Variants in PLXNA2 observed in about 807,000 individuals in gnomAD.
The protein encoded by PLXNA2 is plexin-A2.
A neutral mutation model predicts 193.5 loss-of-function variants in PLXNA2; 91 were observed. The ratio of observed to expected loss-of-function variants is 0.47; its 90% confidence interval spans 0.40 to 0.56. The LOEUF (loss-of-function observed/expected upper bound fraction) is 0.56. Among genes scored for constraint, PLXNA2 ranks in the 20% least tolerant of loss-of-function variants. The pLI is 0.00. For synonymous variants in PLXNA2, 997 were observed against 1,027.3 expected, an observed-to-expected ratio of 0.97 and a Z score of 0.56; for missense variants, 1,995 against 2,503.2, an observed-to-expected ratio of 0.80 and a Z score of 4.33.
chr1:208,127,256 T>C (rs758483027), intron 4 of PLXNA2, among the ~76,000 whole-genome samples: 1 of 102,628 alleles, frequency 9.7e-6, no homozygotes, highest in Non-Finnish European at 2.0e-5. Flanking sequence ...TTGGGTATGA[T>C]ACACATATGT....
intron 1 of PLXNA2, among the ~76,000 whole-genome samples, chr1:208,221,381 GTTTTTTTTTTTTTTTTT>G (rs33915614): frequency 3.6e-4 from 21 of 58,088 alleles, no homozygotes; most frequent in African/African-American, 1.4e-3. Context: ...TTCTTTTTCT[GTTTTTTTTTTTTTTTTT>G]TTTTTTTTTC....
intron 3 of PLXNA2, among the ~76,000 whole-genome samples, chr1:208,144,099 C>A (rs1668537211): frequency 6.6e-6 from 1 of 152,084 alleles, no homozygotes; most frequent in Non-Finnish European, 1.5e-5. Context: ...TCCCTTACAC[C>A]CTTTGGATTC....
intron 3 of PLXNA2, among the ~76,000 whole-genome samples, chr1:208,195,581 G>A (rs1231532839): frequency 6.6e-6 from 1 of 151,838 alleles, no homozygotes; most frequent in East Asian, 1.9e-4. Context: ...CAAAGAGTGG[G>A]GAGATTCAGG....
chr1:208,161,230 C>T (rs1301119740), intron 3 of PLXNA2, among the ~76,000 whole-genome samples: 1 of 152,150 alleles, frequency 6.6e-6, no homozygotes, highest in Admixed American at 6.5e-5. Context: ...TAGAGAATGC[C>T]CCTGAGGCCC....
At chr1:208,178,107 C>T (rs1218969009) in intron 3 of PLXNA2, among the ~76,000 whole-genome samples, 1 of 134,128 alleles carries the variant, frequency 7.5e-6, no homozygotes, top group African/African-American at 2.7e-5. Flanking sequence ...GTGTCCATTC[C>T]TACCTTCTTT....
rs749758154 is a variant in PLXNA2, at chr1:208,217,525, T to A, written c.398A>T (p.Tyr133Phe). The A allele has an allele frequency of 6.2e-7, 1 of 1,614,102 alleles. No homozygotes were observed. The highest frequency in any genetic ancestry group is 8.5e-7 in the Non-Finnish European group (1 of 1,180,012). ...CCGCAGCAGCTTGCAGACCCCCTGG[T>A]AGAGGCTCCCACAGGCCAGCAGGCG... Reference protein sequence around the residue: ...ENRLLACGSLYQGVCKLLRLD... With the variant: ...ENRLLACGSLFQGVCKLLRLD... The change falls in exon 2 of 32, where the codon TAC becomes TTC. Residue 133 changes from tyrosine to phenylalanine, a missense_variant. Physicochemically the swap from Tyr to Phe is conservative, Grantham distance 22 (BLOSUM62 3). Coordinates refer to ENST00000367033, the MANE Select transcript of PLXNA2 (RefSeq NM_025179.4). This position sits in a 1 kb window ranked among gnomAD's most constrained non-coding sequence, Gnocchi z 4.7.
At chr1:208,227,563 T>G (rs1671551609) in intron 1 of PLXNA2, among the ~76,000 whole-genome samples, 1 of 152,222 alleles carries the variant, frequency 6.6e-6, no homozygotes, top group South Asian at 2.1e-4. Flanking sequence ...TGGCAAGTAC[T>G]TTATGTTAAA....
chr1:208,070,528 T>C (rs1161369120), intron 12 of PLXNA2, among the ~76,000 whole-genome samples: 1 of 152,226 alleles, frequency 6.6e-6, no homozygotes. Context: ...CCAGCTCCTT[T>C]CTCTCCTCTG....
rs536528460 is a variant in PLXNA2 at position 208,055,156 on chromosome 1, G to A, written c.2739-618C>T. ...CTGGACAAGTTCATTAGGCCAGCAGGTGACACTGGCCTCTCACTTCATCAA... is the reference window on the plus strand; with the variant it reads ...CTGGACAAGTTCATTAGGCCAGCAGATGACACTGGCCTCTCACTTCATCAA... On this transcript the variant is annotated intron_variant, in intron 13 of 31. Coordinates refer to ENST00000367033, the MANE Select transcript of PLXNA2 (RefSeq NM_025179.4). 3.9e-4 allele frequency among the ~76,000 whole-genome samples: 59 copies of A among 152,306 alleles called. No homozygotes were observed. The South Asian group carries it at 0.011, about 29-fold the overall frequency.
intron 8 of PLXNA2, among the ~76,000 whole-genome samples, chr1:208,093,907 C>T (rs754934366): frequency 6.6e-6 from 1 of 152,164 alleles, no homozygotes; most frequent in Non-Finnish European, 1.5e-5. Flanking sequence ...ACAACTAGGC[C>T]AACCTGGAAT....
intron 20 of PLXNA2, among the ~76,000 whole-genome samples, chr1:208,043,475 A>G (rs979798865): frequency 6.6e-6 from 1 of 152,158 alleles, no homozygotes; most frequent in African/African-American, 2.4e-5. Context: ...AGGAAAAAAA[A>G]GTATCATGAT....
rs1402713075 is a variant in PLXNA2 at position 208,244,370 on chromosome 1, A to T, written c.-808T>A. On this transcript the variant is annotated 5_prime_UTR_variant, in exon 1 of 32. It removes an upstream start codon present in the reference 5' UTR. Transcript: ENST00000367033. ...TGAGCGCCGGCCTCCCTATTTCACC[A>T]TGCAGCTCATTATCATAGAGGCCGC... The T allele has an allele frequency of 5.8e-6, 1 of 172,456 alleles. No homozygotes were observed. Among genetic ancestry groups the T allele is most frequent in the East Asian group, 1.8e-4 (1 of 5,650 alleles). The allele number at this position is 172,456 out of a possible 1,614,324, so 10.7% of individuals were successfully genotyped here. A position where few individuals can be genotyped will look rare whatever the true frequency, so the allele number is the denominator to read the frequency against.
At chr1:208,221,974 A>T (rs1671352005) in intron 1 of PLXNA2, among the ~76,000 whole-genome samples, 1 of 152,192 alleles carries the variant, frequency 6.6e-6, no homozygotes, top group Non-Finnish European at 1.5e-5. Context: ...GGATTATTAC[A>T]ATGAAATCAG....
chr1:208,141,309 A>C (rs1056496694), intron 4 of PLXNA2, among the ~76,000 whole-genome samples: 2 of 152,130 alleles, frequency 1.3e-5, no homozygotes, highest in Non-Finnish European at 2.9e-5. Flanking sequence ...AAAAGAAAGG[A>C]GGTAAGGAGA....
intron 23 of PLXNA2, 108 bp from the exon 24 acceptor site, chr1:208,039,875 GC>G: frequency 1.3e-6 from 2 of 1,583,864 alleles, no homozygotes; most frequent in Non-Finnish European, 1.7e-6. Flanking sequence ...CTTTAGCACA[GC>G]CAGTCCAGGT....
At chr1:208,048,718 G>T (rs1373136621) in intron 17 of PLXNA2, among the ~76,000 whole-genome samples, 1 of 152,190 alleles carries the variant, frequency 6.6e-6, no homozygotes, top group Non-Finnish European at 1.5e-5. Flanking sequence ...CTCTTCAATG[G>T]CTTCCTGAGG....
At chr1:208,231,474 C>T (rs1671690310) in intron 1 of PLXNA2, among the ~76,000 whole-genome samples, 1 of 152,076 alleles carries the variant, frequency 6.6e-6, no homozygotes, top group South Asian at 2.1e-4. Context: ...ACAGATGTGC[C>T]TGGTCACCCG....
At chr1:208,066,717 C>T (rs1212738834) in intron 12 of PLXNA2, among the ~76,000 whole-genome samples, 1 of 151,996 alleles carries the variant, frequency 6.6e-6, no homozygotes, top group Non-Finnish European at 1.5e-5. Context: ...GGAGGGATTC[C>T]AGAAGAAGGC....
chr1:208,171,012 G>C (rs915442598), intron 3 of PLXNA2, among the ~76,000 whole-genome samples: 1 of 152,226 alleles, frequency 6.6e-6, no homozygotes, highest in African/African-American at 2.4e-5. Context: ...GCTGAGGAAG[G>C]AAGACTTCCT....
Sources: allele counts gnomAD v4.1 joint callset (sites outside exome capture counted in the v4.1 genomes callset), GRCh38; gene constraint gnomAD v4.1.1; non-coding constraint Gnocchi (gnomAD v3.1); transcripts MANE v1.5; gene names NCBI Gene and HGNC (gene_info 2026-07-23, HGNC 2026-07-21).